IL10RB: variants seen among roughly 807,000 people sequenced by gnomAD.
The protein encoded by IL10RB is interleukin 10 receptor subunit beta.
Under a neutral mutation model 38.7 loss-of-function variants are expected in IL10RB, and 30 were observed. That is an observed-to-expected ratio of 0.78 (90% CI 0.58 to 1.05). IL10RB has a LOEUF of 1.05. Ranked by LOEUF, IL10RB falls within the 50% of genes least tolerant of loss-of-function variation. IL10RB has a pLI of 0.00. For synonymous variants in IL10RB, 142 were observed against 145.9 expected, an observed-to-expected ratio of 0.97 and a Z score of 0.19; for missense variants, 328 against 397.1, an observed-to-expected ratio of 0.83 and a Z score of 1.48.
intron 3 of IL10RB, 77 bp from the exon 4 acceptor site, chr21:33,279,675 G>T: frequency 1.6e-6 from 2 of 1,246,030 alleles, no homozygotes; most frequent in Non-Finnish European, 2.4e-6. Context: ...TAATTGTTCT[G>T]CATGGTTATG....
At chr21:33,298,363 C>T (rs2082976108), downstream of IL10RB, among the ~76,000 whole-genome samples, 1 of 152,118 alleles carries the variant, frequency 6.6e-6, no homozygotes, top group Non-Finnish European at 1.5e-5. Flanking sequence ...TCTGTAATCC[C>T]AGCACTTTCG....
intron 6 of IL10RB, among the ~76,000 whole-genome samples, chr21:33,290,854 C>G (rs929529080): frequency 6.6e-6 from 1 of 152,172 alleles, no homozygotes; most frequent in African/African-American, 2.4e-5. Flanking sequence ...ACTAGTTTGT[C>G]GGGGCTGCTG....
intron 3 of IL10RB, among the ~76,000 whole-genome samples, chr21:33,277,347 A>G (rs1235694893): frequency 6.6e-6 from 1 of 151,786 alleles, no homozygotes; most frequent in African/African-American, 2.4e-5. Context: ...AAAAAAAAAA[A>G]ATATTGTTCC....
intron 1 of IL10RB, chr21:33,308,408 G>T (rs1380568182): frequency 6.6e-6 from 1 of 152,114 alleles, no homozygotes. Flanking sequence ...CAACATATTT[G>T]CATATATTAA....
intron 4 of IL10RB, among the ~76,000 whole-genome samples, chr21:33,282,222 CCAA>C (rs1286988556): frequency 6.6e-6 from 1 of 152,070 alleles, no homozygotes; most frequent in African/African-American, 2.4e-5. Context: ...GTCAACGACC[CCAA>C]CCCCAAAAAA....
chr21:33,296,345 G>T lies in IL10RB; in HGVS notation c.966G>T (p.Gly322=), dbSNP rs780187887. The change falls in exon 7 of 7, where the codon GGG becomes GGT. Residue 322 remains glycine (G), a synonymous_variant. Transcript: ENST00000290200. The part of the protein sequence containing the change: ...SCSLGTPPGQ[G]PQS ...GCCTCGGGACCCCGCCTGGGCAGGG[G>T]CCCCAAAGCTAGGCTCTGAGAAGGA... 5 of 1,613,246 alleles carry T rather than the reference G, an allele frequency of 3.1e-6. No individual in the cohort carries two copies. In the African/African-American group the frequency reaches 5.3e-5, roughly 17 times the overall value.
chr21:33,278,232 TG>T (rs1483615816), intron 3 of IL10RB, among the ~76,000 whole-genome samples: 1 of 151,660 alleles, frequency 6.6e-6, no homozygotes, highest in Non-Finnish European at 1.5e-5. Context: ...AAAAAAGAAG[TG>T]TCTCTATATG....
intron 6 of IL10RB, among the ~76,000 whole-genome samples, chr21:33,294,633 G>GA (rs1293728988): frequency 3.3e-5 from 5 of 152,090 alleles, no homozygotes; most frequent in African/African-American, 4.8e-5. Context: ...ACCCACAAGG[G>GA]AAAAATCCCT....
intron 1 of IL10RB, among the ~76,000 whole-genome samples, chr21:33,307,822 C>T (rs1488886807): frequency 1.3e-5 from 2 of 152,214 alleles, no homozygotes; most frequent in East Asian, 3.9e-4. Context: ...CGATTCAATT[C>T]AACAAATATT....
chr21:33,284,898 T>C (rs1249054853), intron 5 of IL10RB, among the ~76,000 whole-genome samples: 1 of 152,058 alleles, frequency 6.6e-6, no homozygotes, highest in Non-Finnish European at 1.5e-5. Flanking sequence ...TTTTAGTTAT[T>C]TGTTTATTTG....
intron 4 of IL10RB, among the ~76,000 whole-genome samples, chr21:33,281,585 T>G (rs1989280189): frequency 6.6e-6 from 1 of 152,168 alleles, no homozygotes; most frequent in African/African-American, 2.4e-5. Context: ...ACAGGTTTTT[T>G]GGGGGTTTTT....
At chr21:33,301,023 G>A (rs540894743), downstream of IL10RB, among the ~76,000 whole-genome samples, 74 of 152,310 alleles carry the variant, frequency 4.9e-4, no homozygotes, top group South Asian at 9.1e-3. Flanking sequence ...CTAAAATGGG[G>A]AAGAAGATGG....
chr21:33,288,466 C>T (rs1260972088), intron 6 of IL10RB, among the ~76,000 whole-genome samples: 9 of 135,086 alleles, frequency 6.7e-5, no homozygotes, highest in African/African-American at 2.2e-4. Flanking sequence ...GGAACAGCCC[C>T]GAGGAAAGGG....
Position 33,296,316 on chromosome 21 carries a change from T to G in IL10RB, c.937T>G (p.Cys313Gly). The G allele has an allele frequency of 1.2e-6, 2 of 1,614,066 alleles. No individual in the cohort carries two copies. Among genetic ancestry groups the G allele is most frequent in the Non-Finnish European group, 8.5e-7 (1 of 1,180,014 alleles). Reference sequence around the variant, plus strand: ...CGGCAAGCAGAATCCTGGTGACAGCTGCAGCCTCGGGACCCCGCCTGGGCA... The same window carrying G: ...CGGCAAGCAGAATCCTGGTGACAGCGGCAGCCTCGGGACCCCGCCTGGGCA... Reference protein sequence around the residue: ...ESGKQNPGDSCSLGTPPGQGP... With the variant: ...ESGKQNPGDSGSLGTPPGQGP... The change falls in exon 7 of 7, where the codon TGC (cysteine) becomes GGC (glycine). Residue 313 changes from cysteine (C) to glycine (G), a missense_variant. Physicochemically the swap from Cys to Gly is radical, Grantham distance 159. Transcript: ENST00000290200.
intron 2 of IL10RB, among the ~76,000 whole-genome samples, chr21:33,273,958 C>T (rs951485437): frequency 5.3e-5 from 8 of 152,168 alleles, no homozygotes; most frequent in Non-Finnish European, 1.0e-4. Flanking sequence ...CCACTGAAGT[C>T]TTGAACCCCT....
At chr21:33,302,594 G>T (rs758271829) in intron 1 of IL10RB, among the ~76,000 whole-genome samples, 1 of 152,182 alleles carries the variant, frequency 6.6e-6, no homozygotes, top group East Asian at 1.9e-4. Flanking sequence ...ACCTGTTGCC[G>T]CAGAGTGATG....
rs1317681447 is a variant in IL10RB at position 33,296,930 on chromosome 21, G to A, written c.*573G>A. On this transcript the variant is annotated 3_prime_UTR_variant, in exon 7 of 7. Transcript: ENST00000290200. ...GATAGCGGCACTGCACTCCAGCCTG[G>A]GTGACAAAGTGAGACTCCATCTCAA... 6.7e-6 allele frequency: 1 copy of A among 148,478 alleles called. No homozygotes were observed. The highest frequency in any genetic ancestry group is 2.6e-5 in the African/African-American group (1 of 38,374). The allele number at this position is 148,478 out of a possible 1,614,324, so 9.2% of individuals were successfully genotyped here. A position where few individuals can be genotyped will look rare whatever the true frequency, so the allele number is the denominator to read the frequency against.
downstream of IL10RB, among the ~76,000 whole-genome samples, chr21:33,301,850 A>T (rs528664667): frequency 3.1e-4 from 47 of 152,336 alleles, no homozygotes; most frequent in African/African-American, 1.0e-3. Flanking sequence ...CAGAGCCAGG[A>T]CTTGAACCCA....
chr21:33,273,047 G>A (rs1989108796), intron 2 of IL10RB, among the ~76,000 whole-genome samples: 1 of 152,228 alleles, frequency 6.6e-6, no homozygotes, highest in Admixed American at 6.5e-5. Flanking sequence ...AACTGGGGTA[G>A]ATTCTGAGAA....
Sources: gnomAD v4.1 joint callset for allele counts (sites outside exome capture counted in the v4.1 genomes callset) on GRCh38, gnomAD v4.1.1 for gene constraint, MANE v1.5 for transcripts, NCBI Gene and HGNC (gene_info 2026-07-23, HGNC 2026-07-21) for gene names.